CD36: variants seen among roughly 807,000 people sequenced by gnomAD.
CD36 encodes the protein platelet glycoprotein 4.
CD36 carries 119 observed loss-of-function variants against 55.2 expected under a neutral mutation model. The ratio of observed to expected loss-of-function variants is 2.15; its 90% confidence interval spans 1.86 to 2.51. The LOEUF is 2.51. CD36 is among the 30% of genes most tolerant of loss of function. CD36 has a pLI of 0.00. For synonymous variants in CD36, 186 were observed against 193.6 expected (o/e 0.96, Z 0.33); for missense variants, 819 against 555.5 (o/e 1.47, Z -4.77).
rs1421370640 is a variant in CD36, at chr7:80,661,061, A to T, written c.282-2A>T. The T allele has an allele frequency of 6.2e-7, 1 of 1,610,496 alleles. No individual in the cohort carries two copies. On this transcript the variant is annotated splice_acceptor_variant, in intron 4 of 14. Transcript: ENST00000447544. LOFTEE classifies it high-confidence loss of function. The stretch of plus-strand genomic sequence containing the variant: ...GAATTTTGTTTACTGCTATTTCTTT[A>T]GAGTTCGTTTTCTAGCCAAGGAAAA...
intron 14 of CD36, chr7:80,676,150 A>G (rs1028458107): frequency 2.0e-5 from 3 of 152,180 alleles, no homozygotes; most frequent in African/African-American, 4.8e-5. Flanking sequence ...CTACATCATG[A>G]CCCTTGGTAA....
intron 1 of CD36, among the ~76,000 whole-genome samples, chr7:80,616,752 C>A (rs182150559): frequency 1.3e-5 from 2 of 152,080 alleles, no homozygotes; most frequent in Non-Finnish European, 2.9e-5. Context: ...ACTGATATTA[C>A]TTAATTCATA....
intron 8 of CD36, among the ~76,000 whole-genome samples, chr7:80,669,348 G>A (rs1193185891): frequency 6.6e-6 from 1 of 152,156 alleles, no homozygotes; most frequent in Non-Finnish European, 1.5e-5. Context: ...AAAATGCACA[G>A]TAGATTTTGA....
rs188717259 is a variant in CD36, at chr7:80,671,037, T to C, written c.879T>C (p.Phe293=). 4,932 of 1,613,184 alleles carry C rather than the reference T, an allele frequency of 3.1e-3. 112 individuals carry two copies. In the South Asian group the frequency reaches 0.041, roughly 13 times the overall value. ...TGAAAGGAATCCCTGTGTATAGATT[T>C]GTTCTTCCATCCAAGGCCTTTGCCT... is the stretch of plus-strand genomic sequence containing the variant. ...VNLKGIPVYR[F]VLPSKAFASP... is the part of the protein sequence containing the mutation. The change falls in exon 10 of 15, where the codon TTT becomes TTC. Residue 293 remains phenylalanine (F), a synonymous_variant. Transcript: ENST00000447544.
intron 1 of CD36, among the ~76,000 whole-genome samples, chr7:80,612,872 C>G (rs1381487369): frequency 6.6e-6 from 1 of 152,032 alleles, no homozygotes; most frequent in East Asian, 1.9e-4. Flanking sequence ...ATCCACTAAG[C>G]ATTTTTTAAG....
At position 80,672,015 on chromosome 7, in the gene CD36, A is replaced by ATAGGACATACTTGGATATTGAACC. The variant is rs757518184; in HGVS notation, c.1102_1125dup (p.Arg368_Pro375dup). On this transcript the variant is annotated inframe_insertion, in exon 11 of 15. Coordinates refer to ENST00000447544, the MANE Select transcript of CD36 (RefSeq NM_001001548.3). ...GGATTAAACCCAAATGAAGAAGAAC[A>ATAGGACATACTTGGATATTGAACC]TAGGACATACTTGGATATTGAACCT... The ATAGGACATACTTGGATATTGAACC allele has an allele frequency of 1.4e-4, 221 of 1,608,340 alleles. No individual in the cohort carries two copies. Among genetic ancestry groups the ATAGGACATACTTGGATATTGAACC allele is most frequent in the Non-Finnish European group, 1.8e-4 (209 of 1,175,814 alleles).
At chr7:80,671,637 G>A (rs1359186663) in intron 10 of CD36, among the ~76,000 whole-genome samples, 1 of 151,704 alleles carries the variant, frequency 6.6e-6, no homozygotes, top group East Asian at 1.9e-4. Flanking sequence ...AGCTTATCCT[G>A]TACATATTTA....
chr7:80,675,936 G>T lies in CD36; in HGVS notation c.*1-448G>T, dbSNP rs76645068. Reference sequence around the variant, plus strand: ...CCAGGGCAGATGCACTTCAGCTACCGTTCCTTGCCTGGTGTGTGCTTGTCT... The same window carrying T: ...CCAGGGCAGATGCACTTCAGCTACCTTTCCTTGCCTGGTGTGTGCTTGTCT... On this transcript the variant is annotated intron_variant, in intron 14 of 14. Coordinates refer to ENST00000447544, the MANE Select transcript of CD36 (RefSeq NM_001001548.3). Among the ~76,000 whole-genome samples, 4 of 147,566 alleles carry T rather than the reference G, an allele frequency of 2.7e-5. No individual in the cohort carries two copies. In the East Asian group the frequency reaches 8.1e-4, roughly 30 times the overall value.
chr7:80,635,117 CACTT>C, upstream of CD36, among the ~76,000 whole-genome samples: 1 of 152,172 alleles, frequency 6.6e-6, no homozygotes, highest in East Asian at 1.9e-4. Flanking sequence ...GGTTAACACA[CACTT>C]AACATTTGTT....
chr7:80,670,598 G>C (rs1422981595), intron 9 of CD36: 1 of 266,114 alleles, frequency 3.8e-6, no homozygotes, highest in Non-Finnish European at 7.2e-6. Flanking sequence ...TATATATCCA[G>C]CATGTATATG....
At chr7:80,639,476 T>A (rs1794668887) in intron 1 of CD36, among the ~76,000 whole-genome samples, 1 of 151,914 alleles carries the variant, frequency 6.6e-6, no homozygotes, top group Non-Finnish European at 1.5e-5. Flanking sequence ...TAGATGATGA[T>A]GCCAAGTTGA....
At chr7:80,625,946 ATAT>A (rs2115981073) in intron 1 of CD36, among the ~76,000 whole-genome samples, 1 of 152,284 alleles carries the variant, frequency 6.6e-6, no homozygotes, top group African/African-American at 2.4e-5. Flanking sequence ...CCCAGGACAA[ATAT>A]TATTATTCAA....
Position 80,656,536 on chromosome 7 carries a change from A to AT in CD36, c.121-3dup. 1.2e-6 allele frequency: 2 copies of AT among 1,613,246 alleles called. No individual in the cohort carries two copies. Among genetic ancestry groups the AT allele is most frequent in the Non-Finnish European group, 1.7e-6 (2 of 1,179,502 alleles). On this transcript the variant is annotated splice_region_variant and splice_polypyrimidine_tract_variant and intron_variant, in intron 3 of 14. Transcript: ENST00000447544. ...ATAACCCAAACTTATTTTCTTTTTC[A>AT]TAGCAAGTTGTCCTCGAAGAAGGTA...
intron 1 of CD36, among the ~76,000 whole-genome samples, chr7:80,644,823 A>C (rs1162678468): frequency 6.6e-6 from 1 of 152,194 alleles, no homozygotes; most frequent in African/African-American, 2.4e-5. Flanking sequence ...GGCCATGAGC[A>C]TTTCAAAGTA....
chr7:80,665,436 T>C (rs562119393), intron 7 of CD36, among the ~76,000 whole-genome samples: 78 of 152,284 alleles, frequency 5.1e-4, no homozygotes, highest in African/African-American at 1.8e-3. Context: ...TATCTAATGA[T>C]TGCTTTTAAC....
chr7:80,644,269 G>T (rs1156987744), intron 1 of CD36, among the ~76,000 whole-genome samples: 2 of 152,144 alleles, frequency 1.3e-5, no homozygotes, highest in African/African-American at 4.8e-5. Context: ...TTAATAAAAA[G>T]CCAGCCCTAC....
chr7:80,664,357 T>C (rs750686906), intron 6 of CD36, 49 bp from the exon 7 acceptor site: 3 of 1,003,400 alleles, frequency 3.0e-6, no homozygotes, highest in East Asian at 2.4e-5. Context: ...TTGTACAACT[T>C]TGAAAAAATG....
chr7:80,664,597 G>C lies in CD36; in HGVS notation c.701+100G>C, dbSNP rs1000920092. 20 of 764,926 alleles carry C rather than the reference G, an allele frequency of 2.6e-5. No homozygotes were observed. The African/African-American group carries it at 3.1e-4, about 12-fold the overall frequency. The allele number at this position is 764,926 out of a possible 1,614,324, so 47.4% of individuals were successfully genotyped here. The stretch of plus-strand genomic sequence containing the variant: ...CATAAGACATAGGCATCAACCTATA[G>C]AACAGACCTGGTTATAATTCAGCTC... On this transcript the variant is annotated intron_variant, in intron 7 of 14. Transcript: ENST00000447544.
chr7:80,651,882 C>T (rs1053978094), intron 3 of CD36, among the ~76,000 whole-genome samples: 1 of 152,216 alleles, frequency 6.6e-6, no homozygotes, highest in African/African-American at 2.4e-5. Context: ...GTACTTCAGC[C>T]TGGGTGACAA....
Sources: allele counts gnomAD v4.1 joint callset (sites outside exome capture counted in the v4.1 genomes callset), GRCh38; gene constraint gnomAD v4.1.1; transcripts MANE v1.5; gene names NCBI Gene and HGNC (gene_info 2026-07-23, HGNC 2026-07-21).